The following TRIM44 variants were observed in gnomAD, a reference collection of about 807,000 sequenced individuals.
TRIM44 encodes the protein tripartite motif-containing protein 44.
TRIM44 carries 13 observed loss-of-function variants against 37.4 expected under a neutral mutation model. That is an observed-to-expected ratio of 0.35 (90% CI 0.23 to 0.55). TRIM44 has a LOEUF of 0.55. TRIM44 is among the 20% of genes least tolerant of loss of function. The pLI is 0.89. For missense variants in TRIM44, 426 were observed against 437.2 expected (o/e 0.97, Z 0.23); for synonymous variants, 175 against 157.2 (o/e 1.11, Z -0.85).
intron 4 of TRIM44, among the ~76,000 whole-genome samples, chr11:35,749,541 C>G (rs112443020): frequency 6.6e-6 from 1 of 152,128 alleles, no homozygotes; most frequent in Non-Finnish European, 1.5e-5. Context: ...AAAAATTAGC[C>G]AGGCATGGTT....
At chr11:35,699,363 C>A (rs1455832261) in intron 2 of TRIM44, among the ~76,000 whole-genome samples, 1 of 152,148 alleles carries the variant, frequency 6.6e-6, no homozygotes, top group Non-Finnish European at 1.5e-5. Flanking sequence ...ACATGATTAT[C>A]TCAATAGTTA....
At chr11:35,790,118 A>C (rs1315767580) in intron 4 of TRIM44, among the ~76,000 whole-genome samples, 2 of 152,024 alleles carry the variant, frequency 1.3e-5, no homozygotes, top group Non-Finnish European at 2.9e-5. Flanking sequence ...CCCTTTAAAG[A>C]TTATCATTTC....
intron 1 of TRIM44, among the ~76,000 whole-genome samples, chr11:35,671,004 T>C (rs2135483394): frequency 6.6e-6 from 1 of 152,344 alleles, no homozygotes; most frequent in East Asian, 1.9e-4. Context: ...GAGAATATCT[T>C]GGAACAGTAA....
At chr11:35,678,602 C>T (rs1042488445) in intron 1 of TRIM44, among the ~76,000 whole-genome samples, 6 of 151,870 alleles carry the variant, frequency 4.0e-5, no homozygotes, top group South Asian at 2.1e-4. Context: ...CCTCTCCCCT[C>T]TCCCCGCTCC....
chr11:35,776,211 T>G (rs1852958861), intron 4 of TRIM44, among the ~76,000 whole-genome samples: 1 of 152,204 alleles, frequency 6.6e-6, no homozygotes, highest in South Asian at 2.1e-4. Flanking sequence ...GTCCAGGAAT[T>G]TATGCATTTC....
In TRIM44 at chr11:35,812,213, TC is replaced by T. The variant is rs1332290536; in HGVS notation, c.*5829del. On this transcript the variant is annotated 3_prime_UTR_variant, in exon 5 of 5. Coordinates refer to ENST00000299413, the MANE Select transcript of TRIM44 (RefSeq NM_017583.6). ...CAACATGGCCCCATTTCCTTTATAC[TC>T]ATAAAAAGGTAGAATTTCAGCTTGT... 3 of 152,260 alleles carry T rather than the reference TC, an allele frequency of 2.0e-5. No homozygotes were observed. The East Asian group carries it at 5.8e-4, about 29-fold the overall frequency. 9.4% of individuals were successfully genotyped at this position (152,260 alleles called of 1,614,324 possible).
chr11:35,767,955 TA>T (rs1852819033), intron 4 of TRIM44, among the ~76,000 whole-genome samples: 1 of 152,164 alleles, frequency 6.6e-6, no homozygotes, highest in South Asian at 2.1e-4. Flanking sequence ...ATCAGAAGGT[TA>T]GGGGGACTTC....
rs151070926 is a variant in TRIM44 at position 35,744,814 on chromosome 11, T to G, written c.1007+9369T>G. ...TCAGCTCCCACTTAAAGTGAGAATG[T>G]GCAGTGCTTGGTTTTCTGTTCCTAT... is the stretch of plus-strand genomic sequence containing the variant. On this transcript the variant is annotated intron_variant, in intron 4 of 4. Transcript: ENST00000299413. 1.8e-3 allele frequency among the ~76,000 whole-genome samples: 278 copies of G among 152,334 alleles called. 2 individuals carry two copies. The highest frequency in any genetic ancestry group is 6.4e-3 in the African/African-American group (267 of 41,576).
rs141565105 is a variant in TRIM44 at position 35,665,877 on chromosome 11, T to C, written c.669+2097T>C. On this transcript the variant is annotated intron_variant, in intron 1 of 4. Transcript: ENST00000299413. Reference sequence around the variant, plus strand: ...TGTTGGGATTATAGGTGTTAGCCACTGTGCCCAGCTATATATTTGTTTCTG... The same window carrying C: ...TGTTGGGATTATAGGTGTTAGCCACCGTGCCCAGCTATATATTTGTTTCTG... Among the ~76,000 whole-genome samples the C allele has an allele frequency of 1.9e-3, 282 of 152,188 alleles. 2 individuals carry two copies. The highest frequency in any genetic ancestry group is 6.5e-3 in the African/African-American group (271 of 41,554).
chr11:35,708,574 A>G (rs1359864364), intron 2 of TRIM44, among the ~76,000 whole-genome samples: 8 of 151,916 alleles, frequency 5.3e-5, no homozygotes, highest in Middle Eastern at 3.4e-3. Context: ...ATGGAATACT[A>G]TGCAGCCATA....
At chr11:35,705,327 C>T (rs1246385772) in intron 2 of TRIM44, among the ~76,000 whole-genome samples, 2 of 152,016 alleles carry the variant, frequency 1.3e-5, no homozygotes, top group Non-Finnish European at 2.9e-5. Context: ...ACTTTAACAC[C>T]CCACTGTCAA....
At position 35,663,318 on chromosome 11, in the gene TRIM44, G is replaced by A. The variant is rs1301808996; in HGVS notation, c.207G>A (p.Pro69=). Residue 69 remains proline (P), a synonymous_variant, in exon 1 of 5, where the codon CCG becomes CCA. Transcript: ENST00000299413. ...EYVHGSQAWT[P]PADGEGAGKE... ...TCCACGGCTCCCAGGCCTGGACCCC[G>A]CCAGCTGACGGAGAGGGGGCGGGGA... The A allele has an allele frequency of 2.5e-6, 4 of 1,614,068 alleles. No individual in the cohort carries two copies. The highest frequency in any genetic ancestry group is 3.3e-4 in the Middle Eastern group (2 of 6,060).
Position 35,662,915 on chromosome 11 carries a change from C to A in TRIM44, c.-197C>A. On this transcript the variant is annotated 5_prime_UTR_variant, in exon 1 of 5. Coordinates refer to ENST00000299413, the MANE Select transcript of TRIM44 (RefSeq NM_017583.6). ...CAGGGACAGAGCGGAGCAGGCCGAG[C>A]CGGCGGAAAGGGTCTTTGCTGCTGC... 1 of 901,536 alleles carries A rather than the reference C, an allele frequency of 1.1e-6. No homozygotes were observed. Among genetic ancestry groups the A allele is most frequent in the Non-Finnish European group, 1.5e-6 (1 of 662,762 alleles). 55.8% of individuals were successfully genotyped at this position (901,536 alleles called of 1,614,324 possible).
intron 4 of TRIM44, among the ~76,000 whole-genome samples, chr11:35,761,143 A>T (rs1405233694): frequency 2.0e-5 from 3 of 152,110 alleles, no homozygotes; most frequent in Non-Finnish European, 4.4e-5. Flanking sequence ...TTTATGGCCA[A>T]CTAGTATTCC....
At chr11:35,712,887 A>C (rs1590533737) in intron 2 of TRIM44, among the ~76,000 whole-genome samples, 1 of 152,252 alleles carries the variant, frequency 6.6e-6, no homozygotes, top group Non-Finnish European at 1.5e-5. Context: ...CTTTTATTTA[A>C]GGGCCTGCTG....
chr11:35,702,215 TCCATTTTTAACCA>T (rs1211311040), intron 2 of TRIM44, among the ~76,000 whole-genome samples: 1 of 152,172 alleles, frequency 6.6e-6, no homozygotes, highest in African/African-American at 2.4e-5. Context: ...TCACCTTTAT[TCCATTTTTAACCA>T]AGAAGGACTT....
At chr11:35,755,795 G>A (rs947103036) in intron 4 of TRIM44, among the ~76,000 whole-genome samples, 1 of 152,150 alleles carries the variant, frequency 6.6e-6, no homozygotes, top group African/African-American at 2.4e-5. Flanking sequence ...TCTCAGGTTT[G>A]TCAAAGATCA....
chr11:35,692,922 C>CAA (rs777241555), intron 2 of TRIM44, among the ~76,000 whole-genome samples: 2 of 116,846 alleles, frequency 1.7e-5, no homozygotes, highest in Non-Finnish European at 3.6e-5. Context: ...GATTCCGTCT[C>CAA]AAAAAAAAAA....
chr11:35,730,329 G>C (rs1275941432), intron 3 of TRIM44, among the ~76,000 whole-genome samples: 1 of 152,084 alleles, frequency 6.6e-6, no homozygotes, highest in Non-Finnish European at 1.5e-5. Flanking sequence ...AAAAATAATT[G>C]AACTGAGCTT....
Sources: gnomAD v4.1 joint callset for allele counts (sites outside exome capture counted in the v4.1 genomes callset) on GRCh38, gnomAD v4.1.1 for gene constraint, MANE v1.5 for transcripts, NCBI Gene and HGNC (gene_info 2026-07-23, HGNC 2026-07-21) for gene names.